Variants in LTB4R2 observed in about 807,000 individuals in gnomAD.
The protein encoded by LTB4R2 is LTB4 receptor JULF2.
LTB4R2 carries 6 observed loss-of-function variants against 5.3 expected under a neutral mutation model. The ratio of observed to expected loss-of-function variants is 1.14; its 90% CI spans 0.62 to 2.24. The LOEUF is 2.24. Among genes scored for constraint, LTB4R2 ranks in the 30% most tolerant of loss-of-function variants. LTB4R2 has a pLI of 0.00. For missense variants in LTB4R2, 560 were observed against 521.5 expected (o/e 1.07, Z -0.72); for synonymous variants, 310 against 264.2 (o/e 1.17, Z -1.68).
rs1166429810 is a variant in LTB4R2 at position 24,311,936 on chromosome 14, G to C, written c.*195G>C. 3 of 594,612 alleles carry C rather than the reference G, an allele frequency of 5.0e-6. No homozygotes were observed. Among genetic ancestry groups the C allele is most frequent in the Non-Finnish European group, 9.0e-6 (3 of 333,372 alleles). 36.8% of individuals were successfully genotyped at this position (594,612 alleles called of 1,614,324 possible). On this transcript the variant is annotated 3_prime_UTR_variant, in exon 2 of 2. Transcript: ENST00000533293. ...GATTATGAGGGTGGTGATGGTCCCT[G>C]TTAAGGACTATTGTGTGCTTGCAAG...
At position 24,311,554 on chromosome 14, in the gene LTB4R2, C is replaced by T. The variant is rs1435428242; in HGVS notation, c.890C>T (p.Pro297Leu). 4 of 1,608,252 alleles carry T rather than the reference C, an allele frequency of 2.5e-6. No homozygotes were observed. The highest frequency in any genetic ancestry group is 1.3e-5 in the African/African-American group (1 of 75,078). The change falls in exon 2 of 2, where the codon CCC becomes CTC. Residue 297 changes from proline (P) to leucine (L), a missense_variant. Pro to Leu is a moderately conservative substitution (Grantham distance 98, BLOSUM62 -3). Coordinates refer to ENST00000533293, the MANE Select transcript of LTB4R2 (RefSeq NM_019839.5). ...GTCTTCACCGCTGGAGATCTGCTGC[C>T]CCGGGCAGGTCCCCGTTTCCTCACG... ...LYVFTAGDLL[P>L]RAGPRFLTRL...
Position 24,311,181 on chromosome 14 carries a change from C to T in LTB4R2, c.517C>T (p.Pro173Ser). ...GGACCGCGTATGCCAGCTGTGCCAC[C>T]CGTCGCCGGTCCACGCCGCCGCCCA... ...WRDRVCQLCH[P>S]SPVHAAAHLS... Residue 173 changes from proline (P) to serine (S), a missense_variant, in exon 2 of 2, where the codon CCG (proline) becomes TCG (serine). Coordinates refer to ENST00000533293, the MANE Select transcript of LTB4R2 (RefSeq NM_019839.5). 1 of 1,607,448 alleles carries T rather than the reference C, an allele frequency of 6.2e-7. No individual in the cohort carries two copies. The highest frequency in any genetic ancestry group is 8.5e-7 in the Non-Finnish European group (1 of 1,177,796).
Position 24,310,765 on chromosome 14 carries a change from G to T in LTB4R2, c.101G>T (p.Gly34Val). 6.2e-7 allele frequency: 1 copy of T among 1,608,250 alleles called. No homozygotes were observed. ...TTCCTGCTGCTGGCGGCGCTGCTGG[G>T]GCTGCCTGGCAACGGCTTCGTGGTG... Reference protein sequence around the residue: ...TAFLLLAALLGLPGNGFVVWS... With the variant: ...TAFLLLAALLVLPGNGFVVWS... The change falls in exon 2 of 2, where the codon GGG becomes GTG. Residue 34 changes from glycine (G) to valine (V), a missense_variant. Transcript: ENST00000533293.
intron 1 of LTB4R2, 195 bp downstream of exon 1, chr14:24,310,450 G>C (rs2041653539): frequency 1.2e-5 from 8 of 692,522 alleles, no homozygotes; most frequent in Admixed American, 8.6e-5. Flanking sequence ...CAGGTCAACT[G>C]ACTGGGAGCA....
intron 1 of LTB4R2, 145 bp from the exon 2 acceptor site, chr14:24,310,510 C>T (rs1411789192): frequency 6.0e-6 from 5 of 828,224 alleles, no homozygotes; most frequent in Non-Finnish European, 1.0e-5. Context: ...GGTCTGGGTC[C>T]TCGTGGAAGT....
chr14:24,310,587 C>T, intron 1 of LTB4R2, 68 bp from the exon 2 acceptor site: 1 of 1,434,828 alleles, frequency 7.0e-7, no homozygotes, highest in Non-Finnish European at 9.8e-7. Flanking sequence ...ACCTTCTCAT[C>T]GGGCATCACA....
In LTB4R2 at chr14:24,311,050, C is replaced by G; in HGVS notation, c.386C>G (p.Ala129Gly). ...RCLAVTRPFLAPRLRSPALAR... is the reference protein window; with the variant it reads ...RCLAVTRPFLGPRLRSPALAR... ...CTCGCAGTCACCCGCCCCTTCCTGG[C>G]GCCTCGGCTGCGCAGCCCGGCCCTG... Residue 129 changes from alanine (A) to glycine (G), a missense_variant, in exon 2 of 2, where the codon GCG becomes GGG. Transcript: ENST00000533293. The G allele has an allele frequency of 6.4e-7, 1 of 1,574,386 alleles. No homozygotes were observed. The highest frequency in any genetic ancestry group is 8.5e-7 in the Non-Finnish European group (1 of 1,169,748).
chr14:24,311,119 TCGCCGTCCCGG>T lies in LTB4R2; in HGVS notation c.457_467del (p.Ala153ArgfsTer126), dbSNP rs751330817. The T allele has an allele frequency of 1.9e-6, 3 of 1,578,308 alleles. No homozygotes were observed. Among genetic ancestry groups the T allele is most frequent in the Non-Finnish European group, 2.6e-6 (3 of 1,168,484 alleles). On this transcript the variant is annotated frameshift_variant, in exon 2 of 2. Coordinates refer to ENST00000533293, the MANE Select transcript of LTB4R2 (RefSeq NM_019839.5). LOFTEE classifies it low-confidence loss of function (END_TRUNC). ...GCGGTCTGGCTGGCCGCCCTGTTGC[TCGCCGTCCCGG>T]CCGCCGTCTACCGCCACCTGTGGAG...
Position 24,311,412 on chromosome 14 carries a change from G to A in LTB4R2, c.748G>A (p.Ala250Thr). The change falls in exon 2 of 2, where the codon GCA (alanine) becomes ACA (threonine). Residue 250 changes from alanine to threonine, a missense_variant. Coordinates refer to ENST00000533293, the MANE Select transcript of LTB4R2 (RefSeq NM_019839.5). ...YHAVNLLQAV[A>T]ALAPPEGALA... Reference sequence around the variant, plus strand: ...CGCAGTCAACCTTCTGCAGGCGGTCGCAGCGCTGGCTCCACCGGAAGGGGC... The same window carrying A: ...CGCAGTCAACCTTCTGCAGGCGGTCACAGCGCTGGCTCCACCGGAAGGGGC... 6.2e-7 allele frequency: 1 copy of A among 1,601,430 alleles called. No individual in the cohort carries two copies. The highest frequency in any genetic ancestry group is 8.5e-7 in the Non-Finnish European group (1 of 1,179,702).
At chr14:24,310,366 A>G in intron 1 of LTB4R2, 111 bp downstream of exon 1, 1 of 608,602 alleles carries the variant, frequency 1.6e-6, no homozygotes, top group Non-Finnish European at 2.9e-6. Context: ...GTGGTGGTAG[A>G]GATAGTGACA....
Position 24,311,809 on chromosome 14 carries a change from G to C in LTB4R2, c.*68G>C, listed in dbSNP as rs2041714674. ...CCCCCCACCCACCCTCCAGAGGTCA[G>C]TGTTCTGGGACATTTGGGGACCCTT... is the stretch of plus-strand genomic sequence containing the variant. On this transcript the variant is annotated 3_prime_UTR_variant, in exon 2 of 2. Transcript: ENST00000533293. 1.5e-6 allele frequency: 2 copies of C among 1,376,884 alleles called. No homozygotes were observed. Among genetic ancestry groups the C allele is most frequent in the Non-Finnish European group, 2.0e-6 (2 of 1,018,886 alleles). 85.3% of individuals were successfully genotyped at this position (1,376,884 alleles called of 1,614,324 possible). A position where few individuals can be genotyped will look rare whatever the true frequency, so the allele number is the denominator to read the frequency against.
In LTB4R2 at chr14:24,311,406, G is replaced by C; in HGVS notation, c.742G>C (p.Ala248Pro). 1 of 1,601,676 alleles carries C rather than the reference G, an allele frequency of 6.2e-7. No homozygotes were observed. The highest frequency in any genetic ancestry group is 2.2e-5 in the East Asian group (1 of 44,874). ...APYHAVNLLQ[A>P]VAALAPPEGA... ...CTACCACGCAGTCAACCTTCTGCAG[G>C]CGGTCGCAGCGCTGGCTCCACCGGA... Residue 248 changes from alanine to proline, a missense_variant, in exon 2 of 2, where the codon GCG becomes CCG. Transcript: ENST00000533293.
In LTB4R2 at chr14:24,311,525, C is replaced by T. The variant is rs760037508; in HGVS notation, c.861C>T (p.Leu287=). ...AFFSSSVNPV[L]YVFTAGDLLP... is the part of the protein sequence containing the mutation. ...TCAGTTCTAGCGTCAACCCGGTGCT[C>T]TACGTCTTCACCGCTGGAGATCTGC... The change falls in exon 2 of 2, where the codon CTC becomes CTT. Residue 287 remains leucine (L), a synonymous_variant. Coordinates refer to ENST00000533293, the MANE Select transcript of LTB4R2 (RefSeq NM_019839.5). The T allele has an allele frequency of 3.1e-6, 5 of 1,604,022 alleles. No individual in the cohort carries two copies. Among genetic ancestry groups the T allele is most frequent in the Admixed American group, 1.7e-5 (1 of 60,014 alleles).
intron 1 of LTB4R2, 197 bp from the exon 2 acceptor site, chr14:24,310,458 G>T: frequency 4.3e-6 from 3 of 699,418 alleles, no homozygotes; most frequent in Non-Finnish European, 5.2e-6. Context: ...CTGACTGGGA[G>T]CAGGGGATCT....
At position 24,311,442 on chromosome 14, in the gene LTB4R2, G is replaced by A. The variant is rs768312738; in HGVS notation, c.778G>A (p.Ala260Thr). The A allele has an allele frequency of 1.4e-5, 23 of 1,601,148 alleles. No homozygotes were observed. The South Asian group carries it at 2.5e-4, about 18-fold the overall frequency. The change falls in exon 2 of 2, where the codon GCG becomes ACG. Residue 260 changes from alanine to threonine, a missense_variant. By Grantham distance (58) the Ala-to-Thr change is moderately conservative. Transcript: ENST00000533293. ...AALAPPEGAL[A>T]KLGGAGQAAR... ...GCTGGCTCCACCGGAAGGGGCCTTG[G>A]CGAAGCTGGGCGGAGCCGGCCAGGC...
Position 24,310,256 on chromosome 14 carries a change from G to A in LTB4R2, c.-11+1G>A, listed in dbSNP as rs1447849349. 1.9e-6 allele frequency: 1 copy of A among 515,276 alleles called. No individual in the cohort carries two copies. The highest frequency in any genetic ancestry group is 1.9e-5 in the African/African-American group (1 of 51,888). The allele number at this position is 515,276 out of a possible 1,614,324, so 31.9% of individuals were successfully genotyped here. A position where few individuals can be genotyped will look rare whatever the true frequency, so the allele number is the denominator to read the frequency against. On this transcript the variant is annotated splice_donor_variant, in intron 1 of 1. Transcript: ENST00000533293. LOFTEE classifies it low-confidence loss of function (5UTR_SPLICE). ...CCCAATCCTGCTTGCTCCCAGCTTG[G>A]TAAGTAGATCTGTGCACGTCCCTTT...
At chr14:24,310,584 C>A in intron 1 of LTB4R2, 71 bp from the exon 2 acceptor site, 11 of 1,420,176 alleles carry the variant, frequency 7.7e-6, no homozygotes, top group Non-Finnish European at 1.1e-5. Flanking sequence ...GGCACCTTCT[C>A]ATCGGGCATC....
chr14:24,311,712 G>C lies in LTB4R2; in HGVS notation c.1048G>C (p.Glu350Gln), dbSNP rs78449402. 1.2e-3 allele frequency: 1,991 copies of C among 1,602,166 alleles called. 23 individuals carry two copies. The African/African-American group carries it at 0.021, about 17-fold the overall frequency. The part of the protein sequence containing the change: ...RGNGDPGGGM[E>Q]KDGPEWDL ...CAATGGAGACCCGGGGGGTGGGATG[G>C]AGAAGGACGGTCCGGAATGGGACCT... Residue 350 changes from glutamate (E) to glutamine (Q), a missense_variant, in exon 2 of 2, where the codon GAG (glutamate) becomes CAG (glutamine). By Grantham distance (29) the Glu-to-Gln change is conservative. Coordinates refer to ENST00000533293, the MANE Select transcript of LTB4R2 (RefSeq NM_019839.5).
Position 24,311,221 on chromosome 14 carries a change from C to G in LTB4R2, c.557C>G (p.Thr186Ser), listed in dbSNP as rs1453800901. The part of the protein sequence containing the change: ...VHAAAHLSLE[T>S]LTAFVLPFGL... ...GCCGCCGCCCACCTGAGCCTGGAGA[C>G]TCTGACCGCTTTCGTGCTTCCTTTC... The change falls in exon 2 of 2, where the codon ACT (threonine) becomes AGT (serine). Residue 186 changes from threonine to serine, a missense_variant. Transcript: ENST00000533293. 5 of 1,607,916 alleles carry G rather than the reference C, an allele frequency of 3.1e-6. No homozygotes were observed. The highest frequency in any genetic ancestry group is 1.3e-5 in the African/African-American group (1 of 74,624).
Sources: allele counts gnomAD v4.1 joint callset, GRCh38; gene constraint gnomAD v4.1.1; transcripts MANE v1.5; gene names NCBI Gene and HGNC (gene_info 2026-07-23, HGNC 2026-07-21).